Variants in PRKCA observed in about 807,000 individuals in gnomAD.
PRKCA encodes protein kinase C alpha, also known as protein kinase C alpha type.
In PRKCA, 27 loss-of-function variants were observed where a neutral mutation model predicts 87.0. The ratio of observed to expected loss-of-function variants is 0.31; its 90% CI spans 0.23 to 0.43. The LOEUF (loss-of-function observed/expected upper bound fraction) is 0.43, where lower values mean the gene tolerates loss of function less well. Ranked by LOEUF, PRKCA falls within the 20% of genes least tolerant of loss-of-function variation. PRKCA has a pLI of 1.00. For synonymous variants in PRKCA, 329 were observed against 311.1 expected (o/e 1.06, Z -0.61); for missense variants, 518 against 852.3 (o/e 0.61, Z 4.88).
At chr17:66,493,462 C>CAGTTT (rs1429446789) in intron 2 of PRKCA, among the ~76,000 whole-genome samples, 5 of 152,028 alleles carry the variant, frequency 3.3e-5, no homozygotes, top group African/African-American at 1.2e-4. Flanking sequence ...TGGTGTCCAG[C>CAGTTT]AACTCTTAGC....
At chr17:66,603,437 C>A (rs1970114692) in intron 3 of PRKCA, among the ~76,000 whole-genome samples, 1 of 152,058 alleles carries the variant, frequency 6.6e-6, no homozygotes, top group South Asian at 2.1e-4. Flanking sequence ...AAAACGGGTC[C>A]TTTTTATATA....
At chr17:66,675,454 C>T (rs1972303430) in intron 5 of PRKCA, among the ~76,000 whole-genome samples, 1 of 152,172 alleles carries the variant, frequency 6.6e-6, no homozygotes, top group Admixed American at 6.5e-5. Context: ...TAGGAATGAC[C>T]CAGAGGAAGG....
chr17:66,575,968 G>A (rs1361621064), intron 3 of PRKCA, among the ~76,000 whole-genome samples: 1 of 152,002 alleles, frequency 6.6e-6, no homozygotes, highest in East Asian at 1.9e-4. Flanking sequence ...ACAAAAATTA[G>A]CCAGGTGTGG....
At chr17:66,700,769 T>C (rs960580966) in intron 8 of PRKCA, among the ~76,000 whole-genome samples, 4 of 152,014 alleles carry the variant, frequency 2.6e-5, no homozygotes, top group African/African-American at 4.8e-5. Context: ...CACTGAAAAA[T>C]AGAAAACACT....
At chr17:66,360,401 A>G (rs12939003) in intron 2 of PRKCA, among the ~76,000 whole-genome samples, 73,879 of 152,044 alleles carry the variant, frequency 0.49, 20,994 homozygotes, top group Non-Finnish European at 0.64. Context: ...CACGAGAAAA[A>G]TACTCACTGT....
intron 8 of PRKCA, among the ~76,000 whole-genome samples, chr17:66,712,012 C>T (rs924686673): frequency 6.6e-6 from 1 of 152,132 alleles, no homozygotes; most frequent in Admixed American, 6.6e-5. Context: ...TTACTGCCCC[C>T]CCTCCACCCC....
At chr17:66,626,005 C>T (rs1307633296) in intron 3 of PRKCA, among the ~76,000 whole-genome samples, 2 of 152,220 alleles carry the variant, frequency 1.3e-5, no homozygotes, top group Admixed American at 6.5e-5. Context: ...TTCCCCACCA[C>T]CACCACTCTG....
Position 66,808,290 on chromosome 17 carries a change from C to A in PRKCA, c.*4253C>A, listed in dbSNP as rs1976079265. On this transcript the variant is annotated 3_prime_UTR_variant, in exon 17 of 17. Coordinates refer to ENST00000413366, the MANE Select transcript of PRKCA (RefSeq NM_002737.3). ...CACCTGGGTTCCACTTAGCAGGAGACATTTCGGAGGGTTTTTTTTGTTTTT... is the reference window on the plus strand; with the variant it reads ...CACCTGGGTTCCACTTAGCAGGAGAAATTTCGGAGGGTTTTTTTTGTTTTT... 6.7e-6 allele frequency: 1 copy of A among 148,284 alleles called. No homozygotes were observed. The highest frequency in any genetic ancestry group is 1.5e-5 in the Non-Finnish European group (1 of 67,446). 9.2% of individuals were successfully genotyped at this position (148,284 alleles called of 1,614,324 possible). A position where few individuals can be genotyped will look rare whatever the true frequency, so the allele number is the denominator to read the frequency against.
intron 3 of PRKCA, among the ~76,000 whole-genome samples, chr17:66,583,528 GT>G (rs1252664280): frequency 6.6e-6 from 1 of 151,696 alleles, no homozygotes; most frequent in Non-Finnish European, 1.5e-5. Flanking sequence ...AAGAATTAGA[GT>G]GCTGCTCTCA....
intron 3 of PRKCA, among the ~76,000 whole-genome samples, chr17:66,570,600 A>C (rs1969051313): frequency 6.6e-6 from 1 of 152,168 alleles, no homozygotes. Context: ...GATATTGCTA[A>C]ATCACTTTCT....
chr17:66,498,941 T>C (rs187684110), intron 3 of PRKCA, among the ~76,000 whole-genome samples: 45 of 152,266 alleles, frequency 3.0e-4, no homozygotes, highest in African/African-American at 8.7e-4. Flanking sequence ...CTTAGGAGCA[T>C]TGGGGGCCCA....
At chr17:66,311,911 C>T (rs1905105030) in intron 2 of PRKCA, among the ~76,000 whole-genome samples, 2 of 152,192 alleles carry the variant, frequency 1.3e-5, no homozygotes, top group Admixed American at 1.3e-4. Flanking sequence ...TATTTATCCT[C>T]ATAGGTCGTG....
intron 3 of PRKCA, among the ~76,000 whole-genome samples, chr17:66,612,571 G>A (rs1970399930): frequency 6.6e-6 from 1 of 152,092 alleles, no homozygotes. Flanking sequence ...TCCTTTTAAT[G>A]CCTATTAGGA....
intron 13 of PRKCA, among the ~76,000 whole-genome samples, chr17:66,763,851 C>T (rs1261217778): frequency 2.0e-5 from 3 of 152,038 alleles, no homozygotes; most frequent in Non-Finnish European, 2.9e-5. Flanking sequence ...TTTATAGGTC[C>T]GTGGGTTCCT....
In PRKCA at chr17:66,710,757, C is replaced by T. The variant is rs147453859; in HGVS notation, c.918+21710C>T. The stretch of plus-strand genomic sequence containing the variant: ...AGTTTAAAATTTTACCTGCTGGGCA[C>T]GGTGGCTCACACCTGTAATCCCAGC... On this transcript the variant is annotated intron_variant, in intron 8 of 16. Transcript: ENST00000413366. Among the ~76,000 whole-genome samples, 191 of 152,132 alleles carry T rather than the reference C, an allele frequency of 1.3e-3. 2 individuals carry two copies. The East Asian group carries it at 0.029, about 23-fold the overall frequency.
rs1018008178 is a variant in PRKCA, at chr17:66,508,012, A to G, written c.288+11729A>G. The stretch of plus-strand genomic sequence containing the variant: ...TTCTAGCTGTCATTATAACTGTGTT[A>G]TTTTATTTATTTACAAAGGGATCAT... On this transcript the variant is annotated intron_variant, in intron 3 of 16. Coordinates refer to ENST00000413366, the MANE Select transcript of PRKCA (RefSeq NM_002737.3). 5.9e-5 allele frequency among the ~76,000 whole-genome samples: 9 copies of G among 152,176 alleles called. No individual in the cohort carries two copies. The South Asian group carries it at 1.5e-3, about 25-fold the overall frequency.
intron 2 of PRKCA, among the ~76,000 whole-genome samples, chr17:66,408,834 ACAAGGCTAGGAGTT>A (rs1248267600): frequency 6.6e-6 from 1 of 151,832 alleles, no homozygotes; most frequent in African/African-American, 2.4e-5. Context: ...TGGGCGGATC[ACAAGGCTAGGAGTT>A]CAAGACCAGC....
chr17:66,355,745 G>A (rs1908008998), intron 2 of PRKCA, among the ~76,000 whole-genome samples: 2 of 152,110 alleles, frequency 1.3e-5, no homozygotes, highest in Admixed American at 6.6e-5. Flanking sequence ...AGTTTTGGGG[G>A]AAATGATTCA....
At chr17:66,602,955 C>T (rs965587626) in intron 3 of PRKCA, among the ~76,000 whole-genome samples, 1 of 152,150 alleles carries the variant, frequency 6.6e-6, no homozygotes, top group South Asian at 2.1e-4. Flanking sequence ...AGGACTCTCA[C>T]TTTGCTGAGT....
Sources: gnomAD v4.1 joint callset for allele counts (sites outside exome capture counted in the v4.1 genomes callset) on GRCh38, gnomAD v4.1.1 for gene constraint, MANE v1.5 for transcripts, NCBI Gene and HGNC (gene_info 2026-07-23, HGNC 2026-07-21) for gene names.